OPCML: variants seen among roughly 807,000 people sequenced by gnomAD.
The protein encoded by OPCML is opioid-binding protein/cell adhesion molecule.
In OPCML, 13 loss-of-function variants were observed where a neutral mutation model predicts 37.8. The observed-to-expected ratio is 0.34, with a 90% CI of 0.22 to 0.55. The LOEUF is 0.55. Ranked by LOEUF, OPCML falls within the 20% of genes least tolerant of loss-of-function variation. The pLI is 0.91. For synonymous variants in OPCML, 176 were observed against 168.8 expected, an observed-to-expected ratio of 1.04 and a Z score of -0.33; for missense variants, 341 against 435.6, an observed-to-expected ratio of 0.78 and a Z score of 1.93.
At chr11:133,316,637 A>G in intron 1 of OPCML, among the ~76,000 whole-genome samples, 1 of 152,338 alleles carries the variant, frequency 6.6e-6, no homozygotes, top group East Asian at 1.9e-4. Context: ...AAATAAAATA[A>G]TAACATAAAA....
chr11:132,465,696 C>T (rs989207544), intron 4 of OPCML, among the ~76,000 whole-genome samples: 2 of 152,046 alleles, frequency 1.3e-5, no homozygotes, highest in Non-Finnish European at 2.9e-5. Flanking sequence ...TTTGACATTG[C>T]CAAATCTGTC....
chr11:133,415,904 G>A (rs537733731), intron 1 of OPCML, among the ~76,000 whole-genome samples: 1 of 152,244 alleles, frequency 6.6e-6, no homozygotes, highest in East Asian at 1.9e-4. Flanking sequence ...GCTGCCAACT[G>A]GCAAATGAAA....
At chr11:132,772,799 G>T (rs778354835) in intron 2 of OPCML, 2 of 152,168 alleles carry the variant, frequency 1.3e-5, no homozygotes, top group Admixed American at 6.5e-5. Flanking sequence ...GGCCCCCGAG[G>T]GATCTTTTCC....
intron 1 of OPCML, among the ~76,000 whole-genome samples, chr11:133,220,368 A>C (rs1429559400): frequency 1.3e-5 from 2 of 152,172 alleles, no homozygotes; most frequent in Non-Finnish European, 2.9e-5. Flanking sequence ...GACAAAAAAT[A>C]AGGAGATGAG....
intron 2 of OPCML, among the ~76,000 whole-genome samples, chr11:132,698,207 T>C (rs1943671381): frequency 6.6e-6 from 1 of 152,014 alleles, no homozygotes; most frequent in Non-Finnish European, 1.5e-5. Context: ...TTTAATTTTT[T>C]GAGGAACTTC....
chr11:132,483,539 C>T (rs1441532922), intron 4 of OPCML, among the ~76,000 whole-genome samples: 1 of 152,148 alleles, frequency 6.6e-6, no homozygotes. Flanking sequence ...CTACCAATGC[C>T]TTTCTTCACA....
At chr11:133,194,485 C>G (rs910865338) in intron 1 of OPCML, among the ~76,000 whole-genome samples, 2 of 152,144 alleles carry the variant, frequency 1.3e-5, no homozygotes, top group African/African-American at 2.4e-5. Context: ...GCTGGGATTA[C>G]AGGCATGAGC....
At chr11:133,292,212 C>T (rs1942498003) in intron 1 of OPCML, among the ~76,000 whole-genome samples, 1 of 152,010 alleles carries the variant, frequency 6.6e-6, no homozygotes, top group Admixed American at 6.6e-5. Flanking sequence ...AAGTCTAAAT[C>T]AAAAGGGAGG....
At chr11:132,636,398 A>T (rs748612582) in intron 3 of OPCML, among the ~76,000 whole-genome samples, 25 of 152,226 alleles carry the variant, frequency 1.6e-4, no homozygotes, top group Non-Finnish European at 3.1e-4. Context: ...CATCCAGCTC[A>T]TGTAGCTTTG....
chr11:132,616,685 A>C (rs1939047152), intron 3 of OPCML, among the ~76,000 whole-genome samples: 1 of 152,204 alleles, frequency 6.6e-6, no homozygotes, highest in Admixed American at 6.5e-5. Context: ...TCATTCACCA[A>C]ATATACATTA....
At chr11:132,420,990 TC>T (rs2095956665) in intron 7 of OPCML, among the ~76,000 whole-genome samples, 1 of 150,846 alleles carries the variant, frequency 6.6e-6, no homozygotes, top group Non-Finnish European at 1.5e-5. Context: ...CTAGCTTCTC[TC>T]TCTCTCTCTC....
At chr11:132,579,873 A>G (rs919920736) in intron 3 of OPCML, among the ~76,000 whole-genome samples, 9 of 152,178 alleles carry the variant, frequency 5.9e-5, no homozygotes, top group Non-Finnish European at 1.3e-4. Context: ...CTTAAGGGGA[A>G]ACCAGCAATC....
intron 1 of OPCML, among the ~76,000 whole-genome samples, chr11:133,294,671 T>C (rs893839932): frequency 1.3e-5 from 2 of 152,000 alleles, no homozygotes; most frequent in Non-Finnish European, 2.9e-5. Context: ...TATGGCTTCA[T>C]CACAATTCTA....
chr11:132,915,230 T>C (rs1218116793), intron 2 of OPCML, among the ~76,000 whole-genome samples: 1 of 152,216 alleles, frequency 6.6e-6, no homozygotes, highest in Non-Finnish European at 1.5e-5. Flanking sequence ...CAACATTATA[T>C]ATGTGAACGT....
chr11:133,291,854 T>C (rs1209242040), intron 1 of OPCML, among the ~76,000 whole-genome samples: 1 of 152,212 alleles, frequency 6.6e-6, no homozygotes. Flanking sequence ...CCCACACACA[T>C]GCACACACAC....
rs530897442 is a variant in OPCML, at chr11:132,574,727, C to T, written c.380-45541G>A. On this transcript the variant is annotated intron_variant, in intron 3 of 7. Transcript: ENST00000524381. ...TATCTGTGTGCATTTGGGATGAACA[C>T]GTATCTACTGTTGTTGGATGGAATG... is the stretch of plus-strand genomic sequence containing the variant. 1.6e-4 allele frequency among the ~76,000 whole-genome samples: 25 copies of T among 152,010 alleles called. No individual in the cohort carries two copies. The South Asian group carries it at 2.9e-3, about 18-fold the overall frequency.
intron 1 of OPCML, among the ~76,000 whole-genome samples, chr11:133,257,075 A>G (rs1941334187): frequency 6.6e-6 from 1 of 152,244 alleles, no homozygotes; most frequent in African/African-American, 2.4e-5. Flanking sequence ...GTCTTGCAAA[A>G]TTCCTAAATA....
At chr11:132,692,216 A>G (rs972374382) in intron 2 of OPCML, among the ~76,000 whole-genome samples, 2 of 139,884 alleles carry the variant, frequency 1.4e-5, no homozygotes, top group African/African-American at 5.3e-5. Flanking sequence ...TCTTCCTGTC[A>G]TTGGTGATGC....
Position 132,507,031 on chromosome 11 carries a change from T to C in OPCML, c.505+22030A>G, listed in dbSNP as rs970063683. Among the ~76,000 whole-genome samples the C allele has an allele frequency of 3.2e-4, 48 of 151,852 alleles. 1 individual carries two copies. Among genetic ancestry groups the C allele is most frequent in the Admixed American group, 2.0e-4 (3 of 15,256 alleles). ...TTAAAAGGCTGAGCAAATGTACATTTAGTATTAACAAAATCAAAGTAGGAA... is the reference window on the plus strand; with the variant it reads ...TTAAAAGGCTGAGCAAATGTACATTCAGTATTAACAAAATCAAAGTAGGAA... On this transcript the variant is annotated intron_variant, in intron 4 of 7. Transcript: ENST00000524381.
Sources: allele counts gnomAD v4.1 joint callset (sites outside exome capture counted in the v4.1 genomes callset), GRCh38; gene constraint gnomAD v4.1.1; transcripts MANE v1.5; gene names NCBI Gene and HGNC (gene_info 2026-07-23, HGNC 2026-07-21).